The following ARHGAP18 variants were observed in gnomAD, a reference collection of about 807,000 sequenced individuals.
ARHGAP18 encodes Rho GTPase activating protein 18, also known as rho GTPase-activating protein 18.
A neutral mutation model predicts 86.2 loss-of-function variants in ARHGAP18; 67 were observed. The observed-to-expected ratio is 0.78, with a 90% confidence interval of 0.64 to 0.95. The LOEUF (loss-of-function observed/expected upper bound fraction) is 0.95, where lower values mean the gene tolerates loss of function less well. ARHGAP18 is among the 40% of genes least tolerant of loss of function. ARHGAP18 has a pLI of 0.00. For synonymous variants in ARHGAP18, 283 were observed against 280.4 expected, an observed-to-expected ratio of 1.01 and a Z score of -0.09; for missense variants, 691 against 780.4, an observed-to-expected ratio of 0.89 and a Z score of 1.37.
intron 5 of ARHGAP18, among the ~76,000 whole-genome samples, chr6:129,622,073 G>A (rs1385220460): frequency 6.6e-6 from 1 of 152,154 alleles, no homozygotes; most frequent in African/African-American, 2.4e-5. Flanking sequence ...CCGTAACGCT[G>A]TTGTACCACA....
At chr6:129,587,547 G>A (rs1055500828) in intron 12 of ARHGAP18, among the ~76,000 whole-genome samples, 1 of 152,148 alleles carries the variant, frequency 6.6e-6, no homozygotes, top group Non-Finnish European at 1.5e-5. Flanking sequence ...TGGCTAGGGA[G>A]GCCTCAGGAA....
At chr6:129,637,334 C>T (rs1773355146) in intron 3 of ARHGAP18, among the ~76,000 whole-genome samples, 1 of 152,154 alleles carries the variant, frequency 6.6e-6, no homozygotes, top group Non-Finnish European at 1.5e-5. Flanking sequence ...AGCTGTGAGC[C>T]ACCACACCCA....
chr6:129,598,710 A>T (rs1166286159), intron 12 of ARHGAP18, among the ~76,000 whole-genome samples: 1 of 152,154 alleles, frequency 6.6e-6, no homozygotes, highest in Admixed American at 6.6e-5. Flanking sequence ...CTTCTGATCA[A>T]ATTGAGAACC....
chr6:129,605,267 G>T (rs895210168), intron 10 of ARHGAP18, among the ~76,000 whole-genome samples: 1 of 152,124 alleles, frequency 6.6e-6, no homozygotes, highest in Non-Finnish European at 1.5e-5. Flanking sequence ...TAAAGTAGAT[G>T]ATATTAAGTT....
intron 4 of ARHGAP18, among the ~76,000 whole-genome samples, chr6:129,633,267 A>T (rs1464182695): frequency 3.7e-5 from 1 of 26,902 alleles, no homozygotes; most frequent in African/African-American, 2.8e-4. Context: ...GTCTCTACTT[A>T]AAAAAAAAAA....
At chr6:129,612,960 A>G (rs567835952) in intron 7 of ARHGAP18, among the ~76,000 whole-genome samples, 34 of 152,258 alleles carry the variant, frequency 2.2e-4, no homozygotes, top group East Asian at 5.8e-4. Flanking sequence ...TAGGCCGGGC[A>G]TGGTGGCTCA....
In ARHGAP18 at chr6:129,584,115, G is replaced by A. The variant is rs765430621; in HGVS notation, c.1714-3C>T. 59 of 1,613,178 alleles carry A rather than the reference G, an allele frequency of 3.7e-5. No individual in the cohort carries two copies. The highest frequency in any genetic ancestry group is 5.0e-5 in the Non-Finnish European group (59 of 1,179,546). ...ATCACTCCCTGAGGAACGTCAGCCT[G>A]CAAAGCAATAATGACACTGGAACAA... is the stretch of plus-strand genomic sequence containing the variant. On this transcript the variant is annotated splice_region_variant and splice_polypyrimidine_tract_variant and intron_variant, in intron 12 of 14. Transcript: ENST00000368149.
chr6:129,633,050 T>C (rs1227966926), intron 4 of ARHGAP18, among the ~76,000 whole-genome samples: 1 of 152,170 alleles, frequency 6.6e-6, no homozygotes, highest in Admixed American at 6.6e-5. Context: ...TTAAATCTAT[T>C]AACTTCACTT....
chr6:129,592,950 G>A (rs1407619673), intron 12 of ARHGAP18, among the ~76,000 whole-genome samples: 1 of 152,100 alleles, frequency 6.6e-6, no homozygotes, highest in Non-Finnish European at 1.5e-5. Flanking sequence ...GTTTTGGGGG[G>A]CTCATGTACT....
intron 1 of ARHGAP18, among the ~76,000 whole-genome samples, chr6:129,688,678 G>A (rs1483546114): frequency 6.6e-6 from 1 of 152,114 alleles, no homozygotes; most frequent in African/African-American, 2.4e-5. Flanking sequence ...TGTAATCCCA[G>A]CTACTTGGGA....
intron 5 of ARHGAP18, among the ~76,000 whole-genome samples, chr6:129,622,775 T>C (rs576240790): frequency 6.6e-6 from 1 of 151,868 alleles, no homozygotes; most frequent in Non-Finnish European, 1.5e-5. Flanking sequence ...CTGAGGCAGG[T>C]AGATCACCTA....
intron 10 of ARHGAP18, among the ~76,000 whole-genome samples, 164 bp downstream of exon 10, chr6:129,605,713 A>G (rs552580597): frequency 6.6e-6 from 1 of 152,336 alleles, no homozygotes; most frequent in Admixed American, 6.5e-5. Context: ...TAACAACCTC[A>G]TAAAGAGTTA....
intron 1 of ARHGAP18, among the ~76,000 whole-genome samples, chr6:129,705,149 C>A (rs936685452): frequency 2.0e-5 from 3 of 152,216 alleles, no homozygotes; most frequent in African/African-American, 7.2e-5. Context: ...CCCATTACAA[C>A]CCCAGTATTT....
At chr6:129,685,286 C>G (rs1774405714) in intron 1 of ARHGAP18, among the ~76,000 whole-genome samples, 2 of 152,050 alleles carry the variant, frequency 1.3e-5, no homozygotes, top group South Asian at 4.2e-4. Context: ...GTGGGCGGAT[C>G]AATTGAGGTC....
intron 1 of ARHGAP18, among the ~76,000 whole-genome samples, chr6:129,660,975 AG>A (rs1773937920): frequency 6.6e-6 from 1 of 151,832 alleles, no homozygotes; most frequent in South Asian, 2.1e-4. Context: ...AACGGAACCA[AG>A]AAGAAAAGGA....
intron 10 of ARHGAP18, among the ~76,000 whole-genome samples, chr6:129,603,244 T>C (rs1562685351): frequency 6.6e-6 from 1 of 152,122 alleles, no homozygotes; most frequent in Admixed American, 6.6e-5. Flanking sequence ...ACATGCAATA[T>C]TTGGTTTCTC....
intron 7 of ARHGAP18, among the ~76,000 whole-genome samples, chr6:129,613,799 A>G (rs1789033780): frequency 6.6e-6 from 1 of 152,188 alleles, no homozygotes; most frequent in Admixed American, 6.5e-5. Context: ...GGATTAAAAT[A>G]GAGATGAAAA....
chr6:129,649,140 G>A (rs565771104), intron 1 of ARHGAP18, among the ~76,000 whole-genome samples: 12 of 152,306 alleles, frequency 7.9e-5, no homozygotes, highest in African/African-American at 2.6e-4. Context: ...AAATGCTATA[G>A]TCTTAAGGAT....
chr6:129,700,965 G>T (rs369482866), intron 1 of ARHGAP18, among the ~76,000 whole-genome samples: 3 of 150,016 alleles, frequency 2.0e-5, no homozygotes, highest in East Asian at 3.9e-4. Flanking sequence ...TAAGCACTTT[G>T]CCAAGGCTTA....
Sources: gnomAD v4.1 joint callset for allele counts (sites outside exome capture counted in the v4.1 genomes callset) on GRCh38, gnomAD v4.1.1 for gene constraint, MANE v1.5 for transcripts, NCBI Gene and HGNC (gene_info 2026-07-23, HGNC 2026-07-21) for gene names.